Variants in UHMK1 observed in about 807,000 individuals in gnomAD.
The protein encoded by UHMK1 is U2AF homology motif kinase 1.
UHMK1 carries 18 observed loss-of-function variants against 44.0 expected under a neutral mutation model. That is an observed-to-expected ratio of 0.41 (90% CI 0.28 to 0.61). The LOEUF (loss-of-function observed/expected upper bound fraction) is 0.61, where lower values mean the gene tolerates loss of function less well. Among genes scored for constraint, UHMK1 ranks in the 20% least tolerant of loss-of-function variants. The pLI, the probability that UHMK1 is intolerant of heterozygous loss-of-function variation, is 0.31. For missense variants in UHMK1, 463 were observed against 522.5 expected (o/e 0.89, Z 1.11); for synonymous variants, 231 against 198.5 (o/e 1.16, Z -1.38).
At position 162,522,650 on chromosome 1, in the gene UHMK1, T is replaced by G. The variant is rs2101687424; in HGVS notation, c.*100T>G. Reference sequence around the variant, plus strand: ...CCCCCTTACCATTTTAAGAAGGTACTTTATACATTTATTTAATCCTACTAA... The same window carrying G: ...CCCCCTTACCATTTTAAGAAGGTACGTTATACATTTATTTAATCCTACTAA... On this transcript the variant is annotated 3_prime_UTR_variant, in exon 8 of 8. Coordinates refer to ENST00000489294, the MANE Select transcript of UHMK1 (RefSeq NM_175866.5). The G allele has an allele frequency of 7.8e-7, 1 of 1,286,472 alleles. No homozygotes were observed. Among genetic ancestry groups the G allele is most frequent in the East Asian group, 2.4e-5 (1 of 41,522 alleles). The allele number at this position is 1,286,472 out of a possible 1,614,324, so 79.7% of individuals were successfully genotyped here.
At chr1:162,520,704 G>A (rs775026741) in intron 7 of UHMK1, among the ~76,000 whole-genome samples, 2 of 152,174 alleles carry the variant, frequency 1.3e-5, no homozygotes, top group African/African-American at 4.8e-5. Context: ...TGAGAAAGAA[G>A]AATAGTAGGA....
In UHMK1 at chr1:162,514,058, T is replaced by C. The variant is rs572516035; in HGVS notation, c.1024+1235T>C. Among the ~76,000 whole-genome samples the C allele has an allele frequency of 2.0e-5, 3 of 152,314 alleles. No homozygotes were observed. In the East Asian group the frequency reaches 5.8e-4, roughly 29 times the overall value. ...AAACTTAGACCAAGGACAACAGTTGTGAAGCATTTGCATCAACCTATTGTT... is the reference window on the plus strand; with the variant it reads ...AAACTTAGACCAAGGACAACAGTTGCGAAGCATTTGCATCAACCTATTGTT... On this transcript the variant is annotated intron_variant, in intron 6 of 7. Coordinates refer to ENST00000489294, the MANE Select transcript of UHMK1 (RefSeq NM_175866.5).
chr1:162,512,476 A>G (rs1176004676), intron 4 of UHMK1, 24 bp from the exon 5 acceptor site: 3 of 1,578,088 alleles, frequency 1.9e-6, no homozygotes, highest in Non-Finnish European at 1.7e-6. Context: ...CAGAAATGAT[A>G]AGGCACCTAT....
intron 6 of UHMK1, 119 bp from the exon 7 acceptor site, chr1:162,517,983 A>G (rs1157473248): frequency 7.8e-6 from 5 of 637,860 alleles, no homozygotes; most frequent in African/African-American, 5.5e-5. Context: ...TATTCAAGAC[A>G]TAAAATGACC....
At chr1:162,513,877 A>G (rs1467630179) in intron 6 of UHMK1, among the ~76,000 whole-genome samples, 3 of 152,246 alleles carry the variant, frequency 2.0e-5, no homozygotes. Flanking sequence ...ATAGAATAAT[A>G]TCTAGTTTAT....
At chr1:162,508,617 G>A (rs1252816017) in intron 4 of UHMK1, among the ~76,000 whole-genome samples, 21 of 151,514 alleles carry the variant, frequency 1.4e-4, no homozygotes, top group African/African-American at 4.8e-4. Context: ...CAGGAGGATC[G>A]ATTGAATCCT....
Position 162,512,733 on chromosome 1 carries a change from A to G in UHMK1, c.934A>G (p.Ile312Val), listed in dbSNP as rs767771911. The G allele has an allele frequency of 3.1e-6, 5 of 1,614,092 alleles. No individual in the cohort carries two copies. The Admixed American group carries it at 5.0e-5, about 16-fold the overall frequency. ...ATGATGAATTTTAACAGCCCCTCAT[A>G]TTGAAGATCTGGTCATGCTTCCCAC... ...PFFSIPFAPH[I>V]EDLVMLPTPV... Residue 312 changes from isoleucine to valine, a missense_variant, in exon 6 of 8, where the codon ATT becomes GTT. Ile to Val is a conservative substitution (Grantham distance 29). Around this residue, in one of 3 missense-constraint regions of UHMK1, gnomAD observed 264 missense variants for 326.3 expected, o/e 0.81. Transcript: ENST00000489294.
Position 162,523,865 on chromosome 1 carries a change from A to G in UHMK1, c.*1315A>G, listed in dbSNP as rs375336210. Reference sequence around the variant, plus strand: ...TAGAAGTAGAAAGGAAGAAAAACTCAAAGAATTCTTAAAAGGATTCATAGC... The same window carrying G: ...TAGAAGTAGAAAGGAAGAAAAACTCGAAGAATTCTTAAAAGGATTCATAGC... On this transcript the variant is annotated 3_prime_UTR_variant, in exon 8 of 8. Transcript: ENST00000489294. The G allele has an allele frequency of 4.6e-5, 7 of 152,310 alleles. No individual in the cohort carries two copies. The highest frequency in any genetic ancestry group is 1.7e-4 in the African/African-American group (7 of 41,572). 9.4% of individuals were successfully genotyped at this position (152,310 alleles called of 1,614,324 possible).
Position 162,522,988 on chromosome 1 carries a change from C to G in UHMK1, c.*438C>G, listed in dbSNP as rs1459961443. The G allele has an allele frequency of 6.2e-6, 1 of 160,008 alleles. No individual in the cohort carries two copies. Among genetic ancestry groups the G allele is most frequent in the Non-Finnish European group, 1.4e-5 (1 of 71,830 alleles). 9.9% of individuals were successfully genotyped at this position (160,008 alleles called of 1,614,324 possible). A position where few individuals can be genotyped will look rare whatever the true frequency, so the allele number is the denominator to read the frequency against. On this transcript the variant is annotated 3_prime_UTR_variant, in exon 8 of 8. Coordinates refer to ENST00000489294, the MANE Select transcript of UHMK1 (RefSeq NM_175866.5). ...CTTATTGTTGATATCCATAAGCTGG[C>G]ACTGGATGCTCTCAGTAATGTTAAG... is the stretch of plus-strand genomic sequence containing the variant.
Position 162,518,200 on chromosome 1 carries a change from T to G in UHMK1, c.1113+10T>G. Reference sequence around the variant, plus strand: ...TCCTGGCAGAGGACAAGTAAGTGAATATTTTCATAATTGCAGATTACTCAG... The same window carrying G: ...TCCTGGCAGAGGACAAGTAAGTGAAGATTTTCATAATTGCAGATTACTCAG... On this transcript the variant is annotated intron_variant, in intron 7 of 7. Coordinates refer to ENST00000489294, the MANE Select transcript of UHMK1 (RefSeq NM_175866.5). 6.3e-7 allele frequency: 1 copy of G among 1,575,536 alleles called. No individual in the cohort carries two copies.
At chr1:162,513,621 G>A (rs1199062741) in intron 6 of UHMK1, among the ~76,000 whole-genome samples, 1 of 152,192 alleles carries the variant, frequency 6.6e-6, no homozygotes, top group Non-Finnish European at 1.5e-5. Flanking sequence ...TCTGAGCTCA[G>A]TAATTTGGAG....
rs868665454 is a variant in UHMK1, at chr1:162,512,532, C to G, written c.881C>G (p.Pro294Arg). Residue 294 changes from proline to arginine, a missense_variant, in exon 5 of 8, where the codon CCT becomes CGT. Coordinates refer to ENST00000489294, the MANE Select transcript of UHMK1 (RefSeq NM_175866.5). ...CATGATGATCCAAGCAGAAGAATTC[C>G]TGCTGAAATGGCATTGTGCAGCCCA... ...MLHDDPSRRI[P>R]AEMALCSPFF... 4 of 1,612,848 alleles carry G rather than the reference C, an allele frequency of 2.5e-6. No homozygotes were observed. The highest frequency in any genetic ancestry group is 2.5e-6 in the Non-Finnish European group (3 of 1,179,744).
Position 162,498,140 on chromosome 1 carries a change from G to C in UHMK1, c.140G>C (p.Gly47Ala), listed in dbSNP as rs1393952163. Residue 47 changes from glycine to alanine, a missense_variant, in exon 1 of 8, where the codon GGC (glycine) becomes GCC (alanine). This residue lies in a region of UHMK1 where 191 missense variants were observed against 176.0 expected (regional missense o/e 1.09). Transcript: ENST00000489294. ...VYRVRCCGNP[G>A]SPPGALKQFL... Reference sequence around the variant, plus strand: ...CGGGTTCGCTGCTGCGGCAACCCTGGCTCGCCCCCCGGCGCCCTCAAGCAG... The same window carrying C: ...CGGGTTCGCTGCTGCGGCAACCCTGCCTCGCCCCCCGGCGCCCTCAAGCAG... 6.2e-7 allele frequency: 1 copy of C among 1,612,668 alleles called. No homozygotes were observed. Among genetic ancestry groups the C allele is most frequent in the Non-Finnish European group, 8.5e-7 (1 of 1,179,698 alleles).
At chr1:162,520,693 G>A (rs1188035569) in intron 7 of UHMK1, among the ~76,000 whole-genome samples, 4 of 152,216 alleles carry the variant, frequency 2.6e-5, no homozygotes, top group Admixed American at 2.0e-4. Flanking sequence ...CTGTAGCAGA[G>A]TGAGAAAGAA....
intron 6 of UHMK1, among the ~76,000 whole-genome samples, chr1:162,517,542 T>A (rs1651874939): frequency 6.6e-6 from 1 of 152,174 alleles, no homozygotes; most frequent in Non-Finnish European, 1.5e-5. Flanking sequence ...AAGCAAGGTA[T>A]TTTTATAATT....
chr1:162,512,604 C>G (rs778950523), intron 5 of UHMK1, 28 bp downstream of exon 5: 8 of 1,603,232 alleles, frequency 5.0e-6, no homozygotes, highest in Non-Finnish European at 2.5e-6. Flanking sequence ...TTATTTTTTT[C>G]TTGGTCATTT....
chr1:162,519,155 A>G (rs1651953861), intron 7 of UHMK1, among the ~76,000 whole-genome samples: 2 of 115,640 alleles, frequency 1.7e-5, no homozygotes, highest in African/African-American at 6.5e-5. Flanking sequence ...CCTCTCTACT[A>G]AAAATACCAA....
intron 4 of UHMK1, among the ~76,000 whole-genome samples, chr1:162,504,274 C>G (rs1651385612): frequency 6.6e-6 from 1 of 152,140 alleles, no homozygotes; most frequent in Non-Finnish European, 1.5e-5. Flanking sequence ...GGGACAGATA[C>G]AGTTTTTCTG....
chr1:162,512,587 T>C lies in UHMK1; in HGVS notation c.925+11T>C, dbSNP rs868681231. ...TTAGCATTCCTTTTGGTAAGTTGTG[T>C]ATTCTTTTATTTTTTTCTTGGTCAT... On this transcript the variant is annotated intron_variant, in intron 5 of 7. Coordinates refer to ENST00000489294, the MANE Select transcript of UHMK1 (RefSeq NM_175866.5). 2.5e-6 allele frequency: 4 copies of C among 1,607,434 alleles called. 1 individual carries two copies. In the Middle Eastern group the frequency reaches 5.0e-4, roughly 200 times the overall value.
Sources: allele counts gnomAD v4.1 joint callset (sites outside exome capture counted in the v4.1 genomes callset), GRCh38; gene constraint gnomAD v4.1.1; regional missense constraint gnomAD v4.1.1; transcripts MANE v1.5; gene names NCBI Gene and HGNC (gene_info 2026-07-23, HGNC 2026-07-21).